IL16: variants seen among roughly 807,000 people sequenced by gnomAD.
The protein encoded by IL16 is pro-interleukin-16.
A neutral mutation model predicts 110.1 loss-of-function variants in IL16; 67 were observed. That is an observed-to-expected ratio of 0.61 (90% CI 0.50 to 0.75). The LOEUF (loss-of-function observed/expected upper bound fraction) is 0.75. IL16 is among the 30% of genes least tolerant of loss of function. The probability of loss-of-function intolerance (pLI) is 0.00; values close to 1 mark genes in which losing one functional copy is unlikely to be tolerated. For synonymous variants in IL16, 689 were observed against 662.9 expected (o/e 1.04, Z -0.61); for missense variants, 1,545 against 1,655.0 (o/e 0.93, Z 1.15).
intron 1 of IL16, among the ~76,000 whole-genome samples, chr15:81,204,702 C>T (rs548009635): frequency 5.4e-4 from 81 of 149,568 alleles, no homozygotes; most frequent in African/African-American, 1.9e-3. Context: ...CAAACCTGCA[C>T]GTTGTGCACA....
In IL16 at chr15:81,292,943, A is replaced by G. The variant is rs1461755201; in HGVS notation, c.1808A>G (p.Lys603Arg). Residue 603 changes from lysine (K) to arginine (R), a missense_variant, in exon 12 of 19, where the codon AAA (lysine) becomes AGA (arginine). By Grantham distance (26) the Lys-to-Arg change is conservative. Around this residue, in one of 3 missense-constraint regions of IL16, gnomAD observed 1,185 missense variants for 1,238.8 expected, o/e 0.96. Transcript: ENST00000683961. The stretch of plus-strand genomic sequence containing the variant: ...TCCAAGCCCAAGCCTCCACCCAGAA[A>G]ATACTTTAAAAGTGACAGTGACCCT... ...MSSKPKPPPR[K>R]YFKSDSDPQK... The G allele has an allele frequency of 2.5e-6, 4 of 1,614,042 alleles. No homozygotes were observed. Among genetic ancestry groups the G allele is most frequent in the Non-Finnish European group, 3.4e-6 (4 of 1,180,040 alleles).
rs772905691 is a variant in IL16, at chr15:81,303,666, A to T, written c.3420+16A>T. ...GGTGATTACGGTGAGTGGCCAAGTG[A>T]AGGGGCATGTCACAGCCAGAGGCAA... On this transcript the variant is annotated intron_variant, in intron 16 of 18. Coordinates refer to ENST00000683961, the MANE Select transcript of IL16 (RefSeq NM_172217.5). The surrounding 1 kb of genome is among the most constrained non-coding windows in gnomAD (Gnocchi z 4.1). 2 of 1,531,490 alleles carry T rather than the reference A, an allele frequency of 1.3e-6. No homozygotes were observed. The highest frequency in any genetic ancestry group is 2.2e-5 in the East Asian group (1 of 44,448). The allele number at this position is 1,531,490 out of a possible 1,614,324, so 94.9% of individuals were successfully genotyped here.
intron 3 of IL16, among the ~76,000 whole-genome samples, chr15:81,261,879 G>T (rs1222670840): frequency 6.6e-6 from 1 of 152,060 alleles, no homozygotes; most frequent in Non-Finnish European, 1.5e-5. Context: ...GATCAGCCTG[G>T]ACAATATAGT....
At chr15:81,288,085 G>A (rs1337140719) in intron 10 of IL16, among the ~76,000 whole-genome samples, 1 of 152,220 alleles carries the variant, frequency 6.6e-6, no homozygotes, top group Non-Finnish European at 1.5e-5. Flanking sequence ...TTGAGAGTGA[G>A]GGAGCTGGAG....
At chr15:81,268,824 A>T (rs1433371503) in intron 4 of IL16, among the ~76,000 whole-genome samples, 1 of 152,232 alleles carries the variant, frequency 6.6e-6, no homozygotes, top group Non-Finnish European at 1.5e-5. Context: ...AAATGACACT[A>T]TTAGATAGGC....
chr15:81,204,762 GAAAA>G (rs199872438), intron 1 of IL16, among the ~76,000 whole-genome samples: 20,685 of 117,870 alleles, frequency 0.18, 1,880 homozygotes, highest in East Asian at 0.5. Flanking sequence ...AAAAAAAAAA[GAAAA>G]AAAAGAAAAT....
chr15:81,264,199 T>G (rs1469553692), intron 3 of IL16, among the ~76,000 whole-genome samples: 1 of 152,178 alleles, frequency 6.6e-6, no homozygotes, highest in African/African-American at 2.4e-5. Flanking sequence ...TTTCTGAATC[T>G]TCTGGCTTCC....
intron 1 of IL16, among the ~76,000 whole-genome samples, chr15:81,218,185 A>G (rs940110732): frequency 6.6e-6 from 1 of 152,186 alleles, no homozygotes; most frequent in Non-Finnish European, 1.5e-5. Flanking sequence ...TATGAAGTAA[A>G]TATACAAAAG....
At chr15:81,259,740 T>C (rs748320678) in intron 2 of IL16, 32 bp from the exon 3 acceptor site, 8 of 1,474,310 alleles carry the variant, frequency 5.4e-6, no homozygotes. Context: ...TATTCTAACT[T>C]GCTGAATAAA....
In IL16 at chr15:81,292,677, C is replaced by A. The variant is rs774551504; in HGVS notation, c.1542C>A (p.Ser514Arg). The change falls in exon 12 of 19, where the codon AGC becomes AGA. Residue 514 changes from serine (S) to arginine (R), a missense_variant. Physicochemically the swap from Ser to Arg is moderately radical, Grantham distance 110. Around this residue, in one of 3 missense-constraint regions of IL16, gnomAD observed 1,185 missense variants for 1,238.8 expected, o/e 0.96. Transcript: ENST00000683961. ...QKVMIRSSSDSSYMSGSPGGS... is the reference protein window; with the variant it reads ...QKVMIRSSSDRSYMSGSPGGS... ...TCATGATCCGCTCCAGCAGTGACAGCAGCTACATGTCTGGGTCCCCAGGGG... is the reference window on the plus strand; with the variant it reads ...TCATGATCCGCTCCAGCAGTGACAGAAGCTACATGTCTGGGTCCCCAGGGG... 6.2e-7 allele frequency: 1 copy of A among 1,614,190 alleles called. No individual in the cohort carries two copies. The highest frequency in any genetic ancestry group is 8.5e-7 in the Non-Finnish European group (1 of 1,180,022).
rs529618705 is a variant in IL16 at position 81,200,118 on chromosome 15, T to G, written c.-102+2966T>G. On this transcript the variant is annotated intron_variant, in intron 1 of 18. Coordinates refer to ENST00000683961, the MANE Select transcript of IL16 (RefSeq NM_172217.5). Reference sequence around the variant, plus strand: ...CAAAAAAAGAATAGCATACATCAGATTGCATCAGGTTCTTAGCAAAATCAT... The same window carrying G: ...CAAAAAAAGAATAGCATACATCAGAGTGCATCAGGTTCTTAGCAAAATCAT... 3.2e-4 allele frequency among the ~76,000 whole-genome samples: 49 copies of G among 152,278 alleles called. 1 individual carries two copies. The South Asian group carries it at 0.01, about 32-fold the overall frequency.
chr15:81,304,534 C>G (rs1031790269), intron 16 of IL16, among the ~76,000 whole-genome samples: 1 of 152,182 alleles, frequency 6.6e-6, no homozygotes, highest in African/African-American at 2.4e-5. Context: ...CTCTTCCTTT[C>G]CAGATGATTA....
intron 1 of IL16, among the ~76,000 whole-genome samples, chr15:81,208,710 G>T (rs1335966607): frequency 8.5e-5 from 13 of 152,148 alleles, no homozygotes; most frequent in Admixed American, 5.9e-4. Flanking sequence ...GAAGGTAGTA[G>T]AATATGTTAA....
intron 2 of IL16, among the ~76,000 whole-genome samples, chr15:81,247,602 A>G (rs1897610949): frequency 6.6e-6 from 1 of 152,192 alleles, no homozygotes. Context: ...TCCCTCTTAC[A>G]TAACTATAGT....
At chr15:81,271,736 C>T (rs1008982908) in intron 5 of IL16, among the ~76,000 whole-genome samples, 1 of 152,176 alleles carries the variant, frequency 6.6e-6, no homozygotes, top group Non-Finnish European at 1.5e-5. Flanking sequence ...TCCTACCTCA[C>T]CTTTTCCTAA....
chr15:81,299,326 G>A (rs748496678), intron 13 of IL16, 54 bp from the exon 14 acceptor site: 1 of 1,602,216 alleles, frequency 6.2e-7, no homozygotes, highest in Non-Finnish European at 8.5e-7. Flanking sequence ...AATTTAGGAA[G>A]AAAAGTCACT....
chr15:81,273,677 C>T (rs1489220513), intron 6 of IL16, among the ~76,000 whole-genome samples: 1 of 152,106 alleles, frequency 6.6e-6, no homozygotes, highest in Non-Finnish European at 1.5e-5. Flanking sequence ...GTCTGATAAA[C>T]ATTTGCTAGG....
At position 81,225,436 on chromosome 15, in the gene IL16, T is replaced by C; in HGVS notation, c.37T>C (p.Ser13Pro). Reference sequence around the variant, plus strand: ...CAGCCGCGCTGGAAAGAGCAGAAAATCTGCAAAATTTCGGTCCATCTCCAG... The same window carrying C: ...CAGCCGCGCTGGAAAGAGCAGAAAACCTGCAAAATTTCGGTCCATCTCCAG... ...SHSRAGKSRK[S>P]AKFRSISRSL... The change falls in exon 2 of 19, where the codon TCT (serine) becomes CCT (proline). Residue 13 changes from serine (S) to proline (P), a missense_variant. Physicochemically the swap from Ser to Pro is moderately conservative, Grantham distance 74. Transcript: ENST00000683961. 2 of 1,614,128 alleles carry C rather than the reference T, an allele frequency of 1.2e-6. No individual in the cohort carries two copies. The highest frequency in any genetic ancestry group is 1.7e-6 in the Non-Finnish European group (2 of 1,180,016).
Position 81,313,491 on chromosome 15 carries a change from T to A in IL16, c.*4693T>A. 2 of 1,290,458 alleles carry A rather than the reference T, an allele frequency of 1.5e-6. No individual in the cohort carries two copies. Among genetic ancestry groups the A allele is most frequent in the Non-Finnish European group, 2.1e-6 (2 of 970,842 alleles). 79.9% of individuals were successfully genotyped at this position (1,290,458 alleles called of 1,614,324 possible). ...GGCAGGTGAGCAGAGCCCAGCCCAGTGGAAATGGCCATGATACAGTGATCG... is the reference window on the plus strand; with the variant it reads ...GGCAGGTGAGCAGAGCCCAGCCCAGAGGAAATGGCCATGATACAGTGATCG... On this transcript the variant is annotated 3_prime_UTR_variant, in exon 19 of 19. Coordinates refer to ENST00000683961, the MANE Select transcript of IL16 (RefSeq NM_172217.5).
Sources: allele counts gnomAD v4.1 joint callset (sites outside exome capture counted in the v4.1 genomes callset), GRCh38; gene constraint gnomAD v4.1.1; regional missense constraint gnomAD v4.1.1; non-coding constraint Gnocchi (gnomAD v3.1); transcripts MANE v1.5; gene names NCBI Gene and HGNC (gene_info 2026-07-23, HGNC 2026-07-21).